Variants in ARSB observed in about 807,000 individuals in gnomAD.
The protein encoded by ARSB is N-acetylgalactosamine-4-sulfatase.
Under a neutral mutation model 50.9 loss-of-function variants are expected in ARSB, and 41 were observed. The ratio of observed to expected loss-of-function variants is 0.81; its 90% CI spans 0.63 to 1.04. The LOEUF is 1.04. Ranked by LOEUF, ARSB falls within the 50% of genes least tolerant of loss-of-function variation. The probability of loss-of-function intolerance (pLI) is 0.00; values close to 1 mark genes in which losing one functional copy is unlikely to be tolerated. For synonymous variants in ARSB, 269 were observed against 284.8 expected (o/e 0.94, Z 0.56); for missense variants, 672 against 693.3 (o/e 0.97, Z 0.35).
chr5:78,942,079 T>G (rs528680967), intron 4 of ARSB, among the ~76,000 whole-genome samples: 1 of 152,226 alleles, frequency 6.6e-6, no homozygotes. Context: ...TAGAGGTGTT[T>G]GTAGTATTCT....
Position 78,958,996 on chromosome 5 carries a change from T to C in ARSB, c.691-3494A>G, listed in dbSNP as rs115967496. ...TTTAAGCTCCCCTAAATTTTGTCTA[T>C]GTAAGTGATATGGTTTGGCTGTGTC... On this transcript the variant is annotated intron_variant, in intron 3 of 7. Coordinates refer to ENST00000264914, the MANE Select transcript of ARSB (RefSeq NM_000046.5). 3.4e-3 allele frequency among the ~76,000 whole-genome samples: 524 copies of C among 152,304 alleles called. 4 individuals carry two copies. Among genetic ancestry groups the C allele is most frequent in the African/African-American group, 0.012 (490 of 41,554 alleles).
chr5:78,879,207 C>A (rs769240772), intron 5 of ARSB, among the ~76,000 whole-genome samples: 3 of 152,166 alleles, frequency 2.0e-5, no homozygotes, highest in Non-Finnish European at 2.9e-5. Flanking sequence ...AAGAAACTTG[C>A]AAGGTTTTAA....
chr5:78,973,596 T>TG (rs1752546424), intron 1 of ARSB, among the ~76,000 whole-genome samples: 1 of 152,220 alleles, frequency 6.6e-6, no homozygotes, highest in African/African-American at 2.4e-5. Flanking sequence ...AATCTCTTGC[T>TG]GGGGGAGAGG....
intron 5 of ARSB, among the ~76,000 whole-genome samples, chr5:78,848,224 C>G (rs182741044): frequency 0.023 from 2,909 of 126,496 alleles, 72 homozygotes; most frequent in South Asian, 0.12. Context: ...CCCCTCCCCC[C>G]ACCCCACAAC....
chr5:78,905,723 A>G (rs1180812923), intron 4 of ARSB, among the ~76,000 whole-genome samples: 2 of 152,022 alleles, frequency 1.3e-5, no homozygotes, highest in Non-Finnish European at 2.9e-5. Flanking sequence ...GCTCATACAC[A>G]GAATCAGGGG....
intron 4 of ARSB, among the ~76,000 whole-genome samples, chr5:78,914,223 C>A (rs1329455492): frequency 6.6e-6 from 1 of 152,048 alleles, no homozygotes; most frequent in Non-Finnish European, 1.5e-5. Flanking sequence ...CCTTGGCCTC[C>A]CAAAGTGCTG....
chr5:78,861,963 C>T (rs981232626), intron 5 of ARSB, among the ~76,000 whole-genome samples: 1 of 152,142 alleles, frequency 6.6e-6, no homozygotes, highest in Non-Finnish European at 1.5e-5. Flanking sequence ...CATTCCTATA[C>T]ACAAATAACA....
intron 5 of ARSB, among the ~76,000 whole-genome samples, chr5:78,862,909 G>GA (rs1746518824): frequency 6.6e-6 from 1 of 152,076 alleles, no homozygotes; most frequent in Non-Finnish European, 1.5e-5. Context: ...AAATTTATAG[G>GA]AAAAAATCAA....
At chr5:78,899,463 CT>C (rs1748708034) in intron 4 of ARSB, among the ~76,000 whole-genome samples, 1 of 152,140 alleles carries the variant, frequency 6.6e-6, no homozygotes, top group African/African-American at 2.4e-5. Flanking sequence ...TAGATTTGGT[CT>C]TTTGAGGTAA....
chr5:78,849,335 T>C (rs376835145), intron 5 of ARSB, among the ~76,000 whole-genome samples: 4 of 152,202 alleles, frequency 2.6e-5, no homozygotes, highest in African/African-American at 9.6e-5. Context: ...CCTTTCCCCA[T>C]TGCTTGTTTT....
intron 4 of ARSB, among the ~76,000 whole-genome samples, chr5:78,890,251 C>CTTTTTT (rs55797488): frequency 7.4e-6 from 1 of 134,904 alleles, no homozygotes. Context: ...CAAATCTTAT[C>CTTTTTT]TTTTTTTTTT....
At chr5:78,833,554 G>A (rs1168233992) in intron 6 of ARSB, among the ~76,000 whole-genome samples, 2 of 152,228 alleles carry the variant, frequency 1.3e-5, no homozygotes, top group Admixed American at 6.5e-5. Context: ...AAGCTGGGAG[G>A]CAGTGGAGGG....
chr5:78,947,124 C>A (rs879034824), intron 4 of ARSB, among the ~76,000 whole-genome samples: 1 of 152,100 alleles, frequency 6.6e-6, no homozygotes, highest in East Asian at 1.9e-4. Context: ...ATAGAAAAAT[C>A]AAATCAAAAT....
At chr5:78,789,505 A>C (rs73118702) in intron 6 of ARSB, among the ~76,000 whole-genome samples, 5,726 of 152,284 alleles carry the variant, frequency 0.038, 391 homozygotes, top group African/African-American at 0.13. Context: ...TGATGTACAA[A>C]AGCAATATCC....
In ARSB at chr5:78,795,258, G is replaced by T. The variant is rs142823060; in HGVS notation, c.1214-13284C>A. On this transcript the variant is annotated intron_variant, in intron 6 of 7. Coordinates refer to ENST00000264914, the MANE Select transcript of ARSB (RefSeq NM_000046.5). ...GCAGAGGTGGCCAATGTCCACCTTG[G>T]TTCATCTTTGGGAGTCTCCAGAGGT... is the stretch of plus-strand genomic sequence containing the variant. Among the ~76,000 whole-genome samples the T allele has an allele frequency of 2.6e-5, 4 of 152,302 alleles. No homozygotes were observed. In the East Asian group the frequency reaches 7.7e-4, roughly 29 times the overall value.
At position 78,926,555 on chromosome 5, in the gene ARSB, A is replaced by G. The variant is rs1750063644; in HGVS notation, c.898+28740T>C. ...CCTTATTTCAAAGATGATGCTCAAAACTGGTTTTGGAATTGCCTTCGAAGC... is the reference window on the plus strand; with the variant it reads ...CCTTATTTCAAAGATGATGCTCAAAGCTGGTTTTGGAATTGCCTTCGAAGC... On this transcript the variant is annotated intron_variant, in intron 4 of 7. Transcript: ENST00000264914. Among the ~76,000 whole-genome samples, 3 of 152,256 alleles carry G rather than the reference A, an allele frequency of 2.0e-5. No homozygotes were observed. The South Asian group carries it at 6.2e-4, about 32-fold the overall frequency.
In ARSB at chr5:78,854,194, C is replaced by A. The variant is rs182402494; in HGVS notation, c.1143-14768G>T. On this transcript the variant is annotated intron_variant, in intron 5 of 7. Transcript: ENST00000264914. ...GTAGACCGGAGCTGTTCCTATTCAG[C>A]CATCTTGGCTGCCAGATCTCCGTGA... 1.7e-4 allele frequency among the ~76,000 whole-genome samples: 26 copies of A among 152,378 alleles called. No individual in the cohort carries two copies. The East Asian group carries it at 4.0e-3, about 24-fold the overall frequency.
chr5:78,963,587 T>C (rs1374379348), intron 3 of ARSB, among the ~76,000 whole-genome samples: 2 of 152,144 alleles, frequency 1.3e-5, no homozygotes, highest in Admixed American at 1.3e-4. Flanking sequence ...TCAAAAGCAT[T>C]TATAAGCTAA....
At chr5:78,828,712 C>T (rs539877244) in intron 6 of ARSB, among the ~76,000 whole-genome samples, 11 of 152,306 alleles carry the variant, frequency 7.2e-5, no homozygotes, top group African/African-American at 2.6e-4. Context: ...TCTAGGGCAA[C>T]ACAGCAGGTA....
Sources: gnomAD v4.1 joint callset for allele counts (sites outside exome capture counted in the v4.1 genomes callset) on GRCh38, gnomAD v4.1.1 for gene constraint, MANE v1.5 for transcripts, NCBI Gene and HGNC (gene_info 2026-07-23, HGNC 2026-07-21) for gene names.